Variants in NBEA observed in about 807,000 individuals in gnomAD.
NBEA encodes neurobeachin.
NBEA carries 44 observed loss-of-function variants against 343.4 expected under a neutral mutation model. That is an observed-to-expected ratio of 0.13 (90% CI 0.10 to 0.16). NBEA has a LOEUF of 0.16. NBEA is among the 10% of genes least tolerant of loss of function. The probability of loss-of-function intolerance (pLI) is 1.00; values close to 1 mark genes in which losing one functional copy is unlikely to be tolerated. For missense variants in NBEA, 2,555 were observed against 3,631.3 expected (o/e 0.70, Z 7.62); for synonymous variants, 1,175 against 1,238.7 (o/e 0.95, Z 1.08).
chr13:35,126,148 A>T lies in NBEA; in HGVS notation c.2336+2574A>T, dbSNP rs73500430. Reference sequence around the variant, plus strand: ...GGCAGTTCCCCCCTGCTGTTCTTGTAATAGTGAGTCGCATGAGATCTGATG... The same window carrying T: ...GGCAGTTCCCCCCTGCTGTTCTTGTTATAGTGAGTCGCATGAGATCTGATG... On this transcript the variant is annotated intron_variant, in intron 17 of 58. Transcript: ENST00000379939. Among the ~76,000 whole-genome samples, 978 of 152,246 alleles carry T rather than the reference A, an allele frequency of 6.4e-3. 11 individuals are homozygous for T. The highest frequency in any genetic ancestry group is 0.023 in the African/African-American group (937 of 41,538).
chr13:34,964,785 G>A (rs561666294), intron 1 of NBEA, among the ~76,000 whole-genome samples: 4 of 152,050 alleles, frequency 2.6e-5, no homozygotes, highest in African/African-American at 9.6e-5. Context: ...ATGTCTCTGG[G>A]TCCATTAGTA....
intron 46 of NBEA, among the ~76,000 whole-genome samples, chr13:35,589,526 G>C (rs546985893): frequency 5.0e-4 from 76 of 152,128 alleles, no homozygotes; most frequent in African/African-American, 1.8e-3. Context: ...AACGAGATTT[G>C]TTTTGGCTTT....
intron 8 of NBEA, among the ~76,000 whole-genome samples, 160 bp from the exon 9 acceptor site, chr13:35,069,748 A>G (rs1463195281): frequency 6.6e-6 from 1 of 152,164 alleles, no homozygotes; most frequent in East Asian, 1.9e-4. Flanking sequence ...CTCTCATTGA[A>G]TTGAAGTGAC....
At chr13:35,475,794 T>C (rs1230400855) in intron 41 of NBEA, 1 of 1,613,888 alleles carries the variant, frequency 6.2e-7, no homozygotes, top group Non-Finnish European at 8.5e-7. Flanking sequence ...CGGTAATGAA[T>C]TCCACCCAGA....
intron 34 of NBEA, among the ~76,000 whole-genome samples, chr13:35,255,696 C>T (rs1453720715): frequency 6.6e-6 from 1 of 152,254 alleles, no homozygotes; most frequent in African/African-American, 2.4e-5. Flanking sequence ...GTGTCACAGC[C>T]CAGGCTTGGG....
intron 1 of NBEA, among the ~76,000 whole-genome samples, chr13:34,972,971 T>C (rs766646767): frequency 1.2e-4 from 18 of 152,192 alleles, no homozygotes; most frequent in African/African-American, 2.2e-4. Context: ...CTTTGTGGAC[T>C]TTGCTACCTT....
At chr13:35,119,598 A>G (rs2066680960) in intron 16 of NBEA, among the ~76,000 whole-genome samples, 1 of 151,980 alleles carries the variant, frequency 6.6e-6, no homozygotes, top group South Asian at 2.1e-4. Flanking sequence ...TTTCTTTTTG[A>G]GACAGAGTCT....
chr13:35,101,610 A>G (rs757523092), intron 11 of NBEA, among the ~76,000 whole-genome samples: 3 of 151,744 alleles, frequency 2.0e-5, no homozygotes, highest in Non-Finnish European at 4.4e-5. Context: ...CTAGTCCCTT[A>G]ATAGACGGAT....
At chr13:35,649,923 TGG>T (rs2084434627) in intron 52 of NBEA, 76 bp downstream of exon 52, 29 of 1,342,724 alleles carry the variant, frequency 2.2e-5, no homozygotes, top group Non-Finnish European at 2.9e-5. Flanking sequence ...GTACTGGGAC[TGG>T]GATTAGCTCA....
At chr13:35,173,645 T>C in intron 27 of NBEA, 51 bp downstream of exon 27, 1 of 1,555,984 alleles carries the variant, frequency 6.4e-7, no homozygotes, top group African/African-American at 1.4e-5. Context: ...AAAAAAATCT[T>C]TTTTAAGTTG....
At chr13:35,043,073 T>G (rs2152559392) in intron 2 of NBEA, among the ~76,000 whole-genome samples, 1 of 151,978 alleles carries the variant, frequency 6.6e-6, no homozygotes, top group Non-Finnish European at 1.5e-5. Flanking sequence ...GAAGACCGTC[T>G]ATAATAAAAT....
At chr13:35,374,423 C>T (rs916313467) in intron 38 of NBEA, among the ~76,000 whole-genome samples, 7 of 152,100 alleles carry the variant, frequency 4.6e-5, no homozygotes, top group Admixed American at 6.6e-5. Context: ...GGAAGAATTA[C>T]GAAAATGTGA....
At chr13:35,113,607 A>ATCTG (rs1329904087) in intron 13 of NBEA, among the ~76,000 whole-genome samples, 36 of 151,372 alleles carry the variant, frequency 2.4e-4, no homozygotes, top group African/African-American at 8.8e-4. Context: ...CTATCTATCT[A>ATCTG]TCTATCTATC....
chr13:35,513,051 G>T (rs549722662), intron 41 of NBEA, among the ~76,000 whole-genome samples: 5 of 151,768 alleles, frequency 3.3e-5, no homozygotes, highest in Admixed American at 3.3e-4. Context: ...TTTATTTCTA[G>T]CTTTAGTATT....
intron 38 of NBEA, among the ~76,000 whole-genome samples, chr13:35,389,967 T>C (rs1028446881): frequency 7.5e-5 from 3 of 40,092 alleles, no homozygotes; most frequent in Non-Finnish European, 1.7e-4. Context: ...ATGTCTTTTG[T>C]AGAGTGTGTG....
intron 38 of NBEA, among the ~76,000 whole-genome samples, chr13:35,392,595 A>G (rs1456088061): frequency 6.6e-6 from 1 of 152,030 alleles, no homozygotes; most frequent in Non-Finnish European, 1.5e-5. Context: ...TAGGAATGAT[A>G]TATAATACAA....
At chr13:35,031,310 C>CA (rs1298607637) in intron 1 of NBEA, among the ~76,000 whole-genome samples, 1 of 151,412 alleles carries the variant, frequency 6.6e-6, no homozygotes, top group African/African-American at 2.4e-5. Flanking sequence ...TAATAATGAA[C>CA]AAAAAGGAGT....
At chr13:35,195,396 GT>G (rs572336519) in intron 30 of NBEA, among the ~76,000 whole-genome samples, 2,601 of 143,972 alleles carry the variant, frequency 0.018, 77 homozygotes, top group African/African-American at 0.057. Context: ...ATATCTTTTT[GT>G]TTTTTTTTTT....
intron 1 of NBEA, among the ~76,000 whole-genome samples, chr13:34,948,821 A>G (rs1283275933): frequency 2.0e-5 from 3 of 152,154 alleles, no homozygotes; most frequent in African/African-American, 7.2e-5. Context: ...GGGGTCTTTG[A>G]TACAATGTCT....
Sources: gnomAD v4.1 joint callset for allele counts (sites outside exome capture counted in the v4.1 genomes callset) on GRCh38, gnomAD v4.1.1 for gene constraint, MANE v1.5 for transcripts, NCBI Gene and HGNC (gene_info 2026-07-23, HGNC 2026-07-21) for gene names.